NLGN1: variants seen among roughly 807,000 people sequenced by gnomAD.
NLGN1 encodes neuroligin-1.
In NLGN1, 12 loss-of-function variants were observed where a neutral mutation model predicts 65.5. The ratio of observed to expected loss-of-function variants is 0.18; its 90% CI spans 0.12 to 0.30. The LOEUF (loss-of-function observed/expected upper bound fraction) is 0.30. NLGN1 is among the 10% of genes least tolerant of loss of function. The probability of loss-of-function intolerance (pLI) is 1.00; values close to 1 mark genes in which losing one functional copy is unlikely to be tolerated. For synonymous variants in NLGN1, 350 were observed against 359.5 expected (o/e 0.97, Z 0.30); for missense variants, 750 against 1,007.1 (o/e 0.74, Z 3.46).
At chr3:173,996,372 C>T (rs113720610) in intron 4 of NLGN1, among the ~76,000 whole-genome samples, 56 of 152,208 alleles carry the variant, frequency 3.7e-4, no homozygotes, top group Non-Finnish European at 5.4e-4. Context: ...CACAGATTGC[C>T]GACTCACACC....
intron 2 of NLGN1, among the ~76,000 whole-genome samples, chr3:173,551,477 T>G (rs13321918): frequency 0.56 from 85,850 of 151,948 alleles, 24,207 homozygotes; most frequent in East Asian, 0.8. Context: ...TTTTAAATAT[T>G]GTGTTTGACA....
At chr3:173,503,399 G>A (rs1731480138) in intron 2 of NLGN1, among the ~76,000 whole-genome samples, 1 of 151,936 alleles carries the variant, frequency 6.6e-6, no homozygotes, top group Admixed American at 6.6e-5. Flanking sequence ...TCATTATAAA[G>A]GCATGACCCT....
chr3:173,658,582 A>T (rs1385857449), intron 3 of NLGN1, among the ~76,000 whole-genome samples: 1 of 152,004 alleles, frequency 6.6e-6, no homozygotes, highest in African/African-American at 2.4e-5. Context: ...GTCCATTCTT[A>T]GTTGTACAGT....
At chr3:173,687,359 C>T (rs892845089) in intron 3 of NLGN1, among the ~76,000 whole-genome samples, 6 of 152,126 alleles carry the variant, frequency 3.9e-5, no homozygotes, top group South Asian at 4.1e-4. Context: ...TATGTACATG[C>T]GTGGGTATGG....
chr3:173,878,552 T>C (rs1191908125), intron 4 of NLGN1, among the ~76,000 whole-genome samples: 1 of 151,692 alleles, frequency 6.6e-6, no homozygotes, highest in Admixed American at 6.6e-5. Context: ...GATCATTGTG[T>C]ACAAATTCTT....
At chr3:174,245,163 A>G (rs1447436963) in intron 4 of NLGN1, among the ~76,000 whole-genome samples, 1 of 152,200 alleles carries the variant, frequency 6.6e-6, no homozygotes, top group African/African-American at 2.4e-5. Context: ...TACTGCTAGC[A>G]GTAGCTTAAC....
At chr3:173,432,133 G>A (rs1717295858) in intron 1 of NLGN1, among the ~76,000 whole-genome samples, 1 of 152,094 alleles carries the variant, frequency 6.6e-6, no homozygotes, top group East Asian at 1.9e-4. Flanking sequence ...GCCTACTGAA[G>A]AACATCTTAG....
rs150341272 is a variant in NLGN1 at position 173,548,646 on chromosome 3, A to G, written c.-320-55633A>G. ...GTAATGAAGGCTGGATTTTTATACT[A>G]TTGAAACAGCTTGAAACTTTTGACC... On this transcript the variant is annotated intron_variant, in intron 2 of 6. Coordinates refer to ENST00000457714, the Ensembl canonical transcript of NLGN1. Among the ~76,000 whole-genome samples, 269 of 152,214 alleles carry G rather than the reference A, an allele frequency of 1.8e-3. 6 individuals carry two copies. The East Asian group carries it at 0.039, about 22-fold the overall frequency.
intron 4 of NLGN1, among the ~76,000 whole-genome samples, chr3:174,265,540 G>A (rs1253205577): frequency 6.6e-6 from 1 of 151,644 alleles, no homozygotes; most frequent in Non-Finnish European, 1.5e-5. Context: ...GTTTCGGCTC[G>A]CACACGGTGC....
chr3:173,451,197 A>G (rs1326183192), intron 2 of NLGN1, among the ~76,000 whole-genome samples: 1 of 151,776 alleles, frequency 6.6e-6, no homozygotes, highest in African/African-American at 2.4e-5. Context: ...GGTTTTATCT[A>G]CCTTTGGTCT....
At chr3:173,623,110 C>G (rs1754271151) in intron 3 of NLGN1, among the ~76,000 whole-genome samples, 1 of 152,014 alleles carries the variant, frequency 6.6e-6, no homozygotes, top group Non-Finnish European at 1.5e-5. Flanking sequence ...AATCATTCGA[C>G]AGCAACATAT....
chr3:173,990,825 G>A (rs1276246602), intron 4 of NLGN1, among the ~76,000 whole-genome samples: 1 of 152,004 alleles, frequency 6.6e-6, no homozygotes, highest in Admixed American at 6.6e-5. Flanking sequence ...CAATTGTAAT[G>A]GGTATTAGAA....
intron 3 of NLGN1, among the ~76,000 whole-genome samples, chr3:173,727,531 A>G (rs920664149): frequency 6.6e-6 from 1 of 152,060 alleles, no homozygotes; most frequent in South Asian, 2.1e-4. Context: ...CAAAACCTAG[A>G]CTTGGCTCTC....
At chr3:173,592,817 G>A (rs946267338) in intron 2 of NLGN1, among the ~76,000 whole-genome samples, 8 of 152,108 alleles carry the variant, frequency 5.3e-5, no homozygotes, top group Non-Finnish European at 8.8e-5. Context: ...CATGCCATTT[G>A]TATGATTATA....
At chr3:173,464,882 T>A (rs911945352) in intron 2 of NLGN1, among the ~76,000 whole-genome samples, 1 of 52,546 alleles carries the variant, frequency 1.9e-5, no homozygotes, top group Admixed American at 2.8e-4. Flanking sequence ...TTTTGTGGAC[T>A]ATTTTTTTTC....
Position 173,623,815 on chromosome 3 carries a change from T to C in NLGN1, c.493+18724T>C, listed in dbSNP as rs549833671. On this transcript the variant is annotated intron_variant, in intron 3 of 6. Transcript: ENST00000457714. Reference sequence around the variant, plus strand: ...TAGATTGATGATACAAGAGACTGGGTCTTGTGAAAAATAGGCTTTTGCATT... The same window carrying C: ...TAGATTGATGATACAAGAGACTGGGCCTTGTGAAAAATAGGCTTTTGCATT... Among the ~76,000 whole-genome samples, 12 of 152,236 alleles carry C rather than the reference T, an allele frequency of 7.9e-5. No individual in the cohort carries two copies. In the South Asian group the frequency reaches 1.9e-3, roughly 24 times the overall value.
At chr3:173,802,751 T>C (rs1715714402) in intron 3 of NLGN1, among the ~76,000 whole-genome samples, 1 of 152,080 alleles carries the variant, frequency 6.6e-6, no homozygotes, top group East Asian at 1.9e-4. Context: ...CCTCCACCTA[T>C]GCTTCATTTC....
chr3:174,032,541 A>G (rs144533129), intron 4 of NLGN1, among the ~76,000 whole-genome samples: 1,981 of 152,292 alleles, frequency 0.013, 31 homozygotes, highest in Non-Finnish European at 0.019. Context: ...TGGCAGGGAC[A>G]TGGAAATATG....
chr3:174,108,121 A>G (rs181200404), intron 4 of NLGN1, among the ~76,000 whole-genome samples: 4 of 152,268 alleles, frequency 2.6e-5, no homozygotes, highest in African/African-American at 9.6e-5. Context: ...CATCTTTCAC[A>G]GAGCAATTTT....
Sources: allele counts gnomAD v4.1 joint callset (sites outside exome capture counted in the v4.1 genomes callset), GRCh38; gene constraint gnomAD v4.1.1; transcripts MANE v1.5; gene names NCBI Gene and HGNC (gene_info 2026-07-23, HGNC 2026-07-21).